TENM2: variants seen among roughly 807,000 people sequenced by gnomAD.
The protein encoded by TENM2 is teneurin transmembrane protein 2, also known as teneurin-2.
A neutral mutation model predicts 245.2 loss-of-function variants in TENM2; 52 were observed. The observed-to-expected ratio is 0.21, with a 90% confidence interval of 0.17 to 0.27. TENM2 has a LOEUF of 0.27. Ranked by LOEUF, TENM2 falls within the 10% of genes least tolerant of loss-of-function variation. The pLI, the probability that TENM2 is intolerant of heterozygous loss-of-function variation, is 1.00. For missense variants in TENM2, 3,046 were observed against 3,666.8 expected (o/e 0.83, Z 4.37); for synonymous variants, 1,363 against 1,438.9 (o/e 0.95, Z 1.19).
chr5:167,262,517 C>T, the TENM2 span, among the ~76,000 whole-genome samples: 1 of 151,884 alleles, frequency 6.6e-6, no homozygotes, highest in Non-Finnish European at 1.5e-5. Context: ...CATAATTGCT[C>T]CTTCTTTTCC....
At chr5:167,406,990 G>A (rs1325674572) in intron 2 of TENM2, among the ~76,000 whole-genome samples, 1 of 152,056 alleles carries the variant, frequency 6.6e-6, no homozygotes, top group Non-Finnish European at 1.5e-5. Context: ...TGTTTACAAT[G>A]TTAACTAAAC....
At chr5:168,151,566 G>A (rs1034009899) in intron 12 of TENM2, among the ~76,000 whole-genome samples, 2 of 152,180 alleles carry the variant, frequency 1.3e-5, no homozygotes, top group African/African-American at 4.8e-5. Flanking sequence ...CTCTGGTTTT[G>A]CAAATGGAGA....
At chr5:167,012,927 T>G in the TENM2 span, among the ~76,000 whole-genome samples, 1 of 152,096 alleles carries the variant, frequency 6.6e-6, no homozygotes, top group Non-Finnish European at 1.5e-5. Context: ...AATAAGCATG[T>G]AAGGTTGGCC....
At chr5:167,698,667 G>GTTTTTT (rs1757928488) in intron 2 of TENM2, among the ~76,000 whole-genome samples, 1 of 118,670 alleles carries the variant, frequency 8.4e-6, no homozygotes, top group African/African-American at 3.3e-5. Context: ...TGTGTGTTTT[G>GTTTTTT]TTTTGTTTTT....
intron 5 of TENM2, among the ~76,000 whole-genome samples, chr5:168,028,270 G>A (rs1263914059): frequency 6.6e-6 from 1 of 152,120 alleles, no homozygotes; most frequent in Non-Finnish European, 1.5e-5. Flanking sequence ...AAATCCTCAG[G>A]TTCCACCCGG....
intron 2 of TENM2, among the ~76,000 whole-genome samples, chr5:167,555,005 C>T (rs1773175542): frequency 6.6e-6 from 1 of 151,608 alleles, no homozygotes; most frequent in African/African-American, 2.4e-5. Context: ...CACACATTTC[C>T]CATCACTCAT....
At chr5:168,073,899 T>C (rs1009660433) in intron 7 of TENM2, among the ~76,000 whole-genome samples, 7 of 152,194 alleles carry the variant, frequency 4.6e-5, no homozygotes, top group Non-Finnish European at 7.3e-5. Context: ...AGCACCTATA[T>C]GCGACATGCC....
intron 2 of TENM2, among the ~76,000 whole-genome samples, chr5:167,430,764 C>G (rs1764169662): frequency 6.6e-6 from 1 of 152,156 alleles, no homozygotes; most frequent in East Asian, 1.9e-4. Flanking sequence ...TCTACTGTGA[C>G]AGCTCTCACA....
intron 2 of TENM2, among the ~76,000 whole-genome samples, chr5:167,657,874 G>A (rs1204811564): frequency 6.6e-6 from 1 of 152,148 alleles, no homozygotes; most frequent in East Asian, 1.9e-4. Context: ...GCAGAGCATG[G>A]AGCCACATGC....
chr5:167,416,677 C>CTGTTTTTGTTTT lies in TENM2; in HGVS notation c.502+41223_502+41234dup, dbSNP rs61393561. Among the ~76,000 whole-genome samples, 925 of 149,914 alleles carry CTGTTTTTGTTTT rather than the reference C, an allele frequency of 6.2e-3. 11 individuals carry two copies. Among genetic ancestry groups the CTGTTTTTGTTTT allele is most frequent in the African/African-American group, 0.021 (867 of 40,734 alleles). ...CTATTATATGAGAATTACTCTCTTG[C>CTGTTTTTGTTTT]TGTTTTTGTTTTTGTTTTTGTTTTT... is the stretch of plus-strand genomic sequence containing the variant. On this transcript the variant is annotated intron_variant, in intron 2 of 28. Transcript: ENST00000518659.
At chr5:167,126,565 G>GA in the TENM2 span, among the ~76,000 whole-genome samples, 2 of 151,946 alleles carry the variant, frequency 1.3e-5, no homozygotes, top group Non-Finnish European at 2.9e-5. Flanking sequence ...TTATAAATGA[G>GA]AAAAAACAAA....
Position 168,100,996 on chromosome 5 carries a change from G to A in TENM2, c.1813+2869G>A, listed in dbSNP as rs534887900. ...CTCTGTGTCAGGCCAGAAGCCACCC[G>A]ACAGCTCTCTGGGCTGTGCCAGGCT... On this transcript the variant is annotated intron_variant, in intron 9 of 28. Coordinates refer to ENST00000518659, the Ensembl canonical transcript of TENM2. 1.0e-3 allele frequency among the ~76,000 whole-genome samples: 152 copies of A among 151,012 alleles called. 1 individual carries two copies. Among genetic ancestry groups the A allele is most frequent in the Admixed American group, 1.6e-3 (25 of 15,170 alleles).
At chr5:167,931,600 G>T (rs1778297184) in intron 3 of TENM2, among the ~76,000 whole-genome samples, 2 of 151,632 alleles carry the variant, frequency 1.3e-5, no homozygotes, top group Admixed American at 1.3e-4. Context: ...GCAGGCAGGT[G>T]GTGTATCATA....
the TENM2 span, among the ~76,000 whole-genome samples, chr5:167,177,820 A>C: frequency 6.6e-6 from 1 of 152,320 alleles, no homozygotes; most frequent in East Asian, 1.9e-4. Context: ...ACTTTGCCTG[A>C]ATAGCGAAGT....
At chr5:167,143,428 T>A in the TENM2 span, among the ~76,000 whole-genome samples, 1 of 152,234 alleles carries the variant, frequency 6.6e-6, no homozygotes. Context: ...TTCTTTATTA[T>A]AGTTTCATTC....
intron 3 of TENM2, among the ~76,000 whole-genome samples, chr5:167,894,978 GA>G (rs1561906785): frequency 8.0e-4 from 103 of 128,086 alleles, no homozygotes; most frequent in East Asian, 3.6e-3. Context: ...AGGAAGGAAG[GA>G]AGGAAGGAAG....
chr5:167,352,249 C>CA (rs1162582016), intron 1 of TENM2, among the ~76,000 whole-genome samples: 15 of 152,122 alleles, frequency 9.9e-5, no homozygotes, highest in African/African-American at 3.6e-4. Context: ...CCTATTTTTC[C>CA]ACAGGCCCCC....
At chr5:167,655,523 A>G (rs1456172333) in intron 2 of TENM2, among the ~76,000 whole-genome samples, 1 of 152,200 alleles carries the variant, frequency 6.6e-6, no homozygotes, top group Non-Finnish European at 1.5e-5. Flanking sequence ...CAACTGTGCT[A>G]CTTACACATA....
chr5:168,136,944 G>A lies in TENM2; in HGVS notation c.2422+9978G>A, dbSNP rs530613357. ...GTGATCTCCCTCCTTCATAATAATC[G>A]CATCCCAGTTGGAATGGAGAGGGGA... On this transcript the variant is annotated intron_variant, in intron 12 of 28. Coordinates refer to ENST00000518659, the Ensembl canonical transcript of TENM2. Among the ~76,000 whole-genome samples the A allele has an allele frequency of 3.9e-5, 6 of 152,216 alleles. No homozygotes were observed. In the East Asian group the frequency reaches 7.7e-4, roughly 20 times the overall value.
Sources: allele counts gnomAD v4.1 joint callset (sites outside exome capture counted in the v4.1 genomes callset), GRCh38; gene constraint gnomAD v4.1.1; transcripts MANE v1.5; gene names NCBI Gene and HGNC (gene_info 2026-07-23, HGNC 2026-07-21).